BBX: variants seen among roughly 807,000 people sequenced by gnomAD.
BBX encodes the protein HMG box transcription factor BBX.
In BBX, 30 loss-of-function variants were observed where a neutral mutation model predicts 100.2. That is an observed-to-expected ratio of 0.30 (90% CI 0.22 to 0.41). The LOEUF is 0.41. Ranked by LOEUF, BBX falls within the 10% of genes least tolerant of loss-of-function variation. BBX has a pLI of 1.00. For synonymous variants in BBX, 376 were observed against 388.1 expected, an observed-to-expected ratio of 0.97 and a Z score of 0.37; for missense variants, 1,023 against 1,129.8, an observed-to-expected ratio of 0.91 and a Z score of 1.35.
intron 2 of BBX, among the ~76,000 whole-genome samples, chr3:107,584,055 T>A (rs1300831196): frequency 2.7e-5 from 1 of 37,206 alleles, no homozygotes; most frequent in Non-Finnish European, 4.7e-5. Context: ...TTATATATAT[T>A]ATATATATCA....
intron 1 of BBX, chr3:107,523,718 G>A (rs2047536053): frequency 6.6e-6 from 1 of 152,496 alleles, no homozygotes; most frequent in African/African-American, 2.4e-5. Context: ...GGCAGTGGAG[G>A]AAGGTACGAG....
chr3:107,663,997 A>G (rs574624426), intron 3 of BBX, among the ~76,000 whole-genome samples: 19 of 151,990 alleles, frequency 1.3e-4, no homozygotes, highest in Middle Eastern at 3.4e-3. Context: ...AGTAGAGACG[A>G]GGTTTCACCG....
At chr3:107,692,822 A>G (rs1236368315) in intron 3 of BBX, among the ~76,000 whole-genome samples, 1 of 149,624 alleles carries the variant, frequency 6.7e-6, no homozygotes. Flanking sequence ...CAACAGTGTA[A>G]AAGTGTTCCT....
At chr3:107,695,167 T>C (rs1336749731) in intron 3 of BBX, among the ~76,000 whole-genome samples, 2 of 122,266 alleles carry the variant, frequency 1.6e-5, no homozygotes, top group Non-Finnish European at 3.3e-5. Context: ...CATTAATTTT[T>C]TGAAGGGTTT....
intron 7 of BBX, among the ~76,000 whole-genome samples, chr3:107,734,313 A>T (rs1560063654): frequency 6.6e-6 from 1 of 152,216 alleles, no homozygotes; most frequent in Non-Finnish European, 1.5e-5. Flanking sequence ...TAAATGTGTA[A>T]AAAATGCACT....
chr3:107,754,906 G>A (rs575737226), intron 9 of BBX, among the ~76,000 whole-genome samples: 5 of 152,288 alleles, frequency 3.3e-5, no homozygotes, highest in South Asian at 4.1e-4. Flanking sequence ...AAAAGGCAGT[G>A]TTGTTTATTT....
chr3:107,787,896 T>G (rs565826502), intron 13 of BBX, among the ~76,000 whole-genome samples: 9 of 152,162 alleles, frequency 5.9e-5, no homozygotes, highest in Non-Finnish European at 1.3e-4. Flanking sequence ...TCAGGAACAC[T>G]GAGACTACAT....
chr3:107,728,107 G>A (rs1033294592), intron 5 of BBX, among the ~76,000 whole-genome samples: 2 of 152,116 alleles, frequency 1.3e-5, no homozygotes, highest in Non-Finnish European at 2.9e-5. Flanking sequence ...ATTTGTGATG[G>A]ATTATTGCAA....
chr3:107,629,060 GTAGT>G (rs138805327), intron 2 of BBX, among the ~76,000 whole-genome samples: 29,478 of 151,772 alleles, frequency 0.19, 3,072 homozygotes, highest in African/African-American at 0.27. Context: ...AATTTCTAAG[GTAGT>G]TAGTTAAGCT....
intron 3 of BBX, among the ~76,000 whole-genome samples, chr3:107,673,691 A>C (rs1310589426): frequency 6.6e-6 from 1 of 152,118 alleles, no homozygotes; most frequent in Non-Finnish European, 1.5e-5. Flanking sequence ...TTATAGTAAG[A>C]CCCACTTCAA....
Position 107,692,441 on chromosome 3 carries a change from C to T in BBX, c.-9-18011C>T, listed in dbSNP as rs951086811. ...ATTCCCACCTATGAGTGAGAACATG[C>T]GGTGTTTGGTTTTTGTCCTTGCAAT... On this transcript the variant is annotated intron_variant, in intron 3 of 17. Transcript: ENST00000325805. Among the ~76,000 whole-genome samples the T allele has an allele frequency of 5.3e-5, 8 of 151,414 alleles. No homozygotes were observed. In the South Asian group the frequency reaches 8.3e-4, roughly 16 times the overall value.
intron 3 of BBX, among the ~76,000 whole-genome samples, chr3:107,697,446 A>G (rs1354983553): frequency 2.6e-5 from 4 of 151,690 alleles, no homozygotes; most frequent in African/African-American, 9.7e-5. Context: ...GGTCTGTTGG[A>G]GTACCTGGCC....
chr3:107,534,809 T>C (rs1387875594), intron 2 of BBX, among the ~76,000 whole-genome samples: 5 of 152,210 alleles, frequency 3.3e-5, no homozygotes, highest in African/African-American at 1.2e-4. Context: ...TATGAAATAA[T>C]GGAAATAAAC....
chr3:107,583,321 C>T (rs1372535865), intron 2 of BBX, among the ~76,000 whole-genome samples: 1 of 151,890 alleles, frequency 6.6e-6, no homozygotes, highest in Non-Finnish European at 1.5e-5. Context: ...TGCTCAACTG[C>T]TTATATTATA....
At chr3:107,547,997 C>T (rs1046092496) in intron 2 of BBX, among the ~76,000 whole-genome samples, 9 of 152,172 alleles carry the variant, frequency 5.9e-5, no homozygotes, top group African/African-American at 1.9e-4. Context: ...TTTATGGCTT[C>T]TTTCTCATGA....
intron 2 of BBX, among the ~76,000 whole-genome samples, chr3:107,590,564 A>T (rs908709855): frequency 6.6e-6 from 1 of 152,164 alleles, no homozygotes; most frequent in East Asian, 1.9e-4. Flanking sequence ...CTCTACCTCC[A>T]TAAGATCCTT....
intron 2 of BBX, among the ~76,000 whole-genome samples, chr3:107,556,780 G>A (rs138253971): frequency 1.1e-3 from 171 of 152,182 alleles, no homozygotes; most frequent in African/African-American, 3.4e-3. Flanking sequence ...AAATTAACCC[G>A]GAAGCTAGAA....
chr3:107,639,049 T>C (rs527320349), intron 2 of BBX, among the ~76,000 whole-genome samples: 3 of 152,298 alleles, frequency 2.0e-5, no homozygotes, highest in South Asian at 2.1e-4. Flanking sequence ...TGATATTTAA[T>C]GTATTAATAA....
intron 2 of BBX, among the ~76,000 whole-genome samples, chr3:107,558,498 A>G (rs2050244933): frequency 6.6e-6 from 1 of 151,938 alleles, no homozygotes; most frequent in Admixed American, 6.6e-5. Flanking sequence ...AAAAACAACA[A>G]AAAACAGGGG....
Sources: allele counts gnomAD v4.1 joint callset (sites outside exome capture counted in the v4.1 genomes callset), GRCh38; gene constraint gnomAD v4.1.1; transcripts MANE v1.5; gene names NCBI Gene and HGNC (gene_info 2026-07-23, HGNC 2026-07-21).